RUNX1T1: variants seen among roughly 807,000 people sequenced by gnomAD.
The protein encoded by RUNX1T1 is protein CBFA2T1.
RUNX1T1 carries 4 observed loss-of-function variants against 62.8 expected under a neutral mutation model. That is an observed-to-expected ratio of 0.06 (90% CI 0.03 to 0.15). RUNX1T1 has a LOEUF of 0.15. RUNX1T1 is among the 10% of genes least tolerant of loss of function. The probability of loss-of-function intolerance (pLI) is 1.00; values close to 1 mark genes in which losing one functional copy is unlikely to be tolerated. For missense variants in RUNX1T1, 508 were observed against 754.3 expected, an observed-to-expected ratio of 0.67 and a Z score of 3.82; for synonymous variants, 291 against 286.0, an observed-to-expected ratio of 1.02 and a Z score of -0.18.
downstream of RUNX1T1, chr8:91,957,178 A>T (rs912097195): frequency 4.6e-6 from 1 of 215,186 alleles, no homozygotes; most frequent in Non-Finnish European, 9.4e-6. Context: ...ATTCTCACAT[A>T]GCCTGTATAT....
chr8:92,091,068 T>G (rs140992692), intron 1 of RUNX1T1, among the ~76,000 whole-genome samples: 2 of 152,262 alleles, frequency 1.3e-5, no homozygotes, highest in Non-Finnish European at 2.9e-5. Context: ...TGTTAAAAGA[T>G]TAATGAACCC....
intron 6 of RUNX1T1, among the ~76,000 whole-genome samples, chr8:91,988,136 C>CT (rs899489094): frequency 8.6e-5 from 13 of 151,972 alleles, no homozygotes; most frequent in Admixed American, 2.0e-4. Context: ...TTATAAATCC[C>CT]TTTTTTTAGC....
intron 3 of RUNX1T1, among the ~76,000 whole-genome samples, chr8:92,013,945 G>A (rs1822489314): frequency 1.3e-5 from 2 of 152,084 alleles, no homozygotes; most frequent in Admixed American, 6.6e-5. Context: ...TCTGGAGATG[G>A]ACAGTGGTGG....
At chr8:92,035,494 ATAAAAAAAAATT>A (rs1827249595) in intron 1 of RUNX1T1, among the ~76,000 whole-genome samples, 1 of 151,806 alleles carries the variant, frequency 6.6e-6, no homozygotes, top group African/African-American at 2.4e-5. Context: ...CTCTAAATAC[ATAAAAAAAAATT>A]TTAAAGGCGA....
At position 92,005,120 on chromosome 8, in the gene RUNX1T1, C is replaced by CTG; in HGVS notation, c.653_654dup (p.Asp219GlnfsTer96). ...CAGGCTCCTCCTCCCTCTCACCTGT[C>CTG]TGGAGTTCGCCTCTTCCCGTTTTCG... On this transcript the variant is annotated frameshift_variant, in exon 5 of 11. Coordinates refer to ENST00000396218, the Ensembl canonical transcript of RUNX1T1. LOFTEE classifies it high-confidence loss of function. The CTG allele has an allele frequency of 6.2e-7, 1 of 1,608,290 alleles. No homozygotes were observed. Among genetic ancestry groups the CTG allele is most frequent in the Non-Finnish European group, 8.5e-7 (1 of 1,177,372 alleles).
chr8:92,044,241 G>A (rs776233898), intron 1 of RUNX1T1, among the ~76,000 whole-genome samples: 2 of 152,146 alleles, frequency 1.3e-5, no homozygotes, highest in South Asian at 2.1e-4. Context: ...CAATAGTAGC[G>A]ATATGGGCAG....
chr8:91,980,882 G>T (rs2130764641), intron 8 of RUNX1T1, among the ~76,000 whole-genome samples: 1 of 152,024 alleles, frequency 6.6e-6, no homozygotes, highest in African/African-American at 2.4e-5. Context: ...ATGTTTTCCA[G>T]GCTGGTCTCA....
chr8:92,000,351 C>T lies in RUNX1T1; in HGVS notation c.659+4765G>A, dbSNP rs1376154862. Reference sequence around the variant, plus strand: ...ATAAATGTAATTTTGTGCTATTTCACTGAAAGGCCTCCCAATTGATGTGAT... The same window carrying T: ...ATAAATGTAATTTTGTGCTATTTCATTGAAAGGCCTCCCAATTGATGTGAT... On this transcript the variant is annotated intron_variant, in intron 5 of 10. Coordinates refer to ENST00000396218, the Ensembl canonical transcript of RUNX1T1. 2.6e-5 allele frequency among the ~76,000 whole-genome samples: 4 copies of T among 152,168 alleles called. No individual in the cohort carries two copies. The South Asian group carries it at 6.2e-4, about 24-fold the overall frequency.
chr8:92,062,915 C>CA (rs1832306085), exon 1 of RUNX1T1: 1 of 1,307,904 alleles, frequency 7.6e-7, no homozygotes, highest in African/African-American at 1.5e-5. Context: ...CACCAAAAAG[C>CA]AAAAAGTGAA....
chr8:92,100,211 G>C (rs1193515948), upstream of RUNX1T1, among the ~76,000 whole-genome samples: 1 of 152,024 alleles, frequency 6.6e-6, no homozygotes, highest in Non-Finnish European at 1.5e-5. Context: ...ACGGACCACA[G>C]AGACTAAGTC....
chr8:92,093,823 A>G (rs950308979), intron 1 of RUNX1T1, among the ~76,000 whole-genome samples: 3 of 152,238 alleles, frequency 2.0e-5, no homozygotes, highest in African/African-American at 4.8e-5. Flanking sequence ...ATCCTTCTAT[A>G]TAAAATATGC....
chr8:91,972,301 T>C (rs1200695507), intron 9 of RUNX1T1, among the ~76,000 whole-genome samples: 1 of 152,164 alleles, frequency 6.6e-6, no homozygotes, highest in Admixed American at 6.5e-5. Context: ...ATGACTTTTG[T>C]AGCCTCTGTC....
At position 92,051,325 on chromosome 8, in the gene RUNX1T1, G is replaced by A. The variant is rs190160836; in HGVS notation, c.7+11221C>T. On this transcript the variant is annotated intron_variant, in intron 1 of 10. Transcript: ENST00000396218. ...ATAATTAGGTACCAGCCCAACCCTC[G>A]AAAAGTGTTCAATCTATAGGAGGAC... 3.4e-3 allele frequency among the ~76,000 whole-genome samples: 517 copies of A among 152,038 alleles called. 3 individuals are homozygous for A. The highest frequency in any genetic ancestry group is 6.3e-3 in the Non-Finnish European group (431 of 67,978).
At chr8:91,975,099 G>A (rs1813627797) in intron 9 of RUNX1T1, among the ~76,000 whole-genome samples, 2 of 152,202 alleles carry the variant, frequency 1.3e-5, no homozygotes, top group East Asian at 3.8e-4. Flanking sequence ...GAAAGCCACA[G>A]TATGTTTTTC....
chr8:92,031,920 C>T (rs1826304456), intron 1 of RUNX1T1, among the ~76,000 whole-genome samples: 1 of 151,460 alleles, frequency 6.6e-6, no homozygotes, highest in Non-Finnish European at 1.5e-5. Flanking sequence ...GGTGAAACCC[C>T]ATCTCTACTA....
At chr8:91,999,855 G>A (rs1026032825) in intron 5 of RUNX1T1, among the ~76,000 whole-genome samples, 5 of 152,174 alleles carry the variant, frequency 3.3e-5, no homozygotes, top group Non-Finnish European at 7.3e-5. Flanking sequence ...AAAGACAGCA[G>A]AAACCATCAG....
chr8:92,099,818 G>T (rs1271590027), upstream of RUNX1T1: 1 of 182,552 alleles, frequency 5.5e-6, no homozygotes, highest in Non-Finnish European at 1.0e-5. Flanking sequence ...CCTATTGGAA[G>T]CATTTCTTTC....
intron 5 of RUNX1T1, among the ~76,000 whole-genome samples, chr8:91,992,104 T>C (rs1817797889): frequency 6.6e-6 from 1 of 152,154 alleles, no homozygotes; most frequent in African/African-American, 2.4e-5. Flanking sequence ...ATCCTTCACT[T>C]CTCATCAAAT....
intron 1 of RUNX1T1, among the ~76,000 whole-genome samples, chr8:92,030,970 G>A (rs1367212833): frequency 6.6e-6 from 1 of 152,162 alleles, no homozygotes; most frequent in Non-Finnish European, 1.5e-5. Context: ...ACTCTAGCTG[G>A]ATATCCCATT....
Sources: allele counts gnomAD v4.1 joint callset (sites outside exome capture counted in the v4.1 genomes callset), GRCh38; gene constraint gnomAD v4.1.1; transcripts MANE v1.5; gene names NCBI Gene and HGNC (gene_info 2026-07-23, HGNC 2026-07-21).